The following COMMD1 variants were observed in gnomAD, a reference collection of about 807,000 sequenced individuals.
COMMD1 encodes the protein copper metabolism domain containing 1, also known as COMM domain-containing protein 1.
In COMMD1, 10 loss-of-function variants were observed where a neutral mutation model predicts 17.2. The ratio of observed to expected loss-of-function variants is 0.58; its 90% CI spans 0.36 to 0.99. The LOEUF is 0.99. Ranked by LOEUF, COMMD1 falls within the 50% of genes least tolerant of loss-of-function variation. The probability of loss-of-function intolerance (pLI) is 0.01; values close to 1 mark genes in which losing one functional copy is unlikely to be tolerated. For synonymous variants in COMMD1, 97 were observed against 91.6 expected, an observed-to-expected ratio of 1.06 and a Z score of -0.34; for missense variants, 270 against 231.8, an observed-to-expected ratio of 1.17 and a Z score of -1.07.
At chr2:62,081,064 T>C (rs1435956428) in intron 2 of COMMD1, among the ~76,000 whole-genome samples, 1 of 152,090 alleles carries the variant, frequency 6.6e-6, no homozygotes, top group Non-Finnish European at 1.5e-5. Context: ...ACTGGTGCTT[T>C]TGTTTTTTGA....
intron 2 of COMMD1, among the ~76,000 whole-genome samples, chr2:62,100,835 G>C (rs1399775948): frequency 2.0e-5 from 3 of 152,156 alleles, no homozygotes; most frequent in Non-Finnish European, 4.4e-5. Flanking sequence ...AAAAGATCTA[G>C]CTATGTTAAT....
intron 2 of COMMD1, among the ~76,000 whole-genome samples, chr2:62,102,519 T>C (rs1672214201): frequency 6.6e-6 from 1 of 152,210 alleles, no homozygotes; most frequent in Non-Finnish European, 1.5e-5. Flanking sequence ...GTTCATTGTG[T>C]ATTGCTGGGT....
rs139389678 is a variant in COMMD1 at position 61,967,128 on chromosome 2, C to T, written c.181-33573C>T. Reference sequence around the variant, plus strand: ...CCAGTTGATGAAGTCTAATATGAAACGAATATTTTAACTTTCAAATGCAGA... The same window carrying T: ...CCAGTTGATGAAGTCTAATATGAAATGAATATTTTAACTTTCAAATGCAGA... On this transcript the variant is annotated intron_variant, in intron 1 of 2. Transcript: ENST00000311832. Among the ~76,000 whole-genome samples the T allele has an allele frequency of 1.1e-4, 16 of 152,090 alleles. No homozygotes were observed. The East Asian group carries it at 2.3e-3, about 22-fold the overall frequency.
intron 2 of COMMD1, among the ~76,000 whole-genome samples, chr2:62,036,054 T>TCACACACACA (rs70946776): frequency 4.9e-5 from 7 of 143,396 alleles, no homozygotes; most frequent in South Asian, 2.3e-4. Context: ...ACCCTGTCTC[T>TCACACACACA]CACACACACA....
chr2:62,085,378 C>T (rs563326151), intron 2 of COMMD1, among the ~76,000 whole-genome samples: 5 of 152,104 alleles, frequency 3.3e-5, no homozygotes, highest in South Asian at 4.2e-4. Context: ...CCGCCACACC[C>T]GGCTAATTTT....
intron 2 of COMMD1, among the ~76,000 whole-genome samples, chr2:62,125,712 G>A (rs1262032453): frequency 6.6e-6 from 1 of 152,108 alleles, no homozygotes; most frequent in Non-Finnish European, 1.5e-5. Flanking sequence ...ACAGGTTATA[G>A]CAACAAGGCC....
chr2:61,953,348 A>G (rs577325113), intron 1 of COMMD1, among the ~76,000 whole-genome samples: 24 of 146,996 alleles, frequency 1.6e-4, no homozygotes, highest in African/African-American at 5.8e-4. Context: ...AGGATTATTT[A>G]TGTAAGTATT....
At chr2:61,943,038 C>T (rs773387558) in intron 1 of COMMD1, among the ~76,000 whole-genome samples, 13 of 152,060 alleles carry the variant, frequency 8.5e-5, no homozygotes, top group African/African-American at 2.2e-4. Context: ...TAAAAAGAAA[C>T]GGTTGGATGC....
chr2:62,110,092 G>T (rs144571479), intron 2 of COMMD1, among the ~76,000 whole-genome samples: 4 of 151,664 alleles, frequency 2.6e-5, no homozygotes, highest in Non-Finnish European at 5.9e-5. Flanking sequence ...CTTTTCTGGC[G>T]GGGGTGGGAG....
At chr2:62,106,721 T>C (rs971471397) in intron 2 of COMMD1, among the ~76,000 whole-genome samples, 3 of 152,124 alleles carry the variant, frequency 2.0e-5, no homozygotes, top group Non-Finnish European at 4.4e-5. Context: ...TCGCATAGAA[T>C]TTGAGTTAGG....
rs578253550 is a variant in COMMD1, at chr2:62,100,220, G to A, written c.463-35611G>A. 2.0e-5 allele frequency: 3 copies of A among 152,304 alleles called. No individual in the cohort carries two copies. In the South Asian group the frequency reaches 6.2e-4, roughly 32 times the overall value. The allele number at this position is 152,304 out of a possible 1,614,324, so 9.4% of individuals were successfully genotyped here. ...ACCAGAGGAGAAGCTAGAACTTGGT[G>A]AGGTTTCACTGGGCCCCTGCTAGTA... On this transcript the variant is annotated intron_variant, in intron 2 of 2. Coordinates refer to ENST00000311832, the MANE Select transcript of COMMD1 (RefSeq NM_152516.4).
Position 62,083,358 on chromosome 2 carries a change from C to A in COMMD1, c.463-52473C>A, listed in dbSNP as rs1671577908. On this transcript the variant is annotated intron_variant, in intron 2 of 2. Coordinates refer to ENST00000311832, the MANE Select transcript of COMMD1 (RefSeq NM_152516.4). The stretch of plus-strand genomic sequence containing the variant: ...AGCTATGCAACTTTGCCATTGTAGC[C>A]TGAAAGCAGCCACAGATTACGTGAA... Among the ~76,000 whole-genome samples the A allele has an allele frequency of 2.0e-5, 3 of 152,276 alleles. No homozygotes were observed. The South Asian group carries it at 6.2e-4, about 32-fold the overall frequency.
intron 1 of COMMD1, among the ~76,000 whole-genome samples, chr2:61,949,621 T>C (rs1417419209): frequency 6.6e-6 from 1 of 152,054 alleles, no homozygotes; most frequent in Non-Finnish European, 1.5e-5. Context: ...GCAATGAGAA[T>C]AGTGTTTGTC....
intron 2 of COMMD1, among the ~76,000 whole-genome samples, chr2:62,105,841 G>A (rs528397766): frequency 7.7e-4 from 117 of 152,112 alleles, no homozygotes; most frequent in Non-Finnish European, 1.4e-3. Context: ...AATAATAAAC[G>A]ACCAGATCTC....
At chr2:62,093,464 G>C (rs779203489) in intron 2 of COMMD1, among the ~76,000 whole-genome samples, 5 of 152,154 alleles carry the variant, frequency 3.3e-5, no homozygotes, top group African/African-American at 4.8e-5. Context: ...GCACCTATGG[G>C]AACTATGGGT....
chr2:62,020,025 G>A (rs938573213), intron 2 of COMMD1, among the ~76,000 whole-genome samples: 4 of 152,286 alleles, frequency 2.6e-5, no homozygotes, highest in Admixed American at 2.6e-4. Flanking sequence ...CTCATTTATA[G>A]CATCAGCTTA....
At chr2:61,960,358 AGGGTAGTACTGAC>A (rs747319676) in intron 1 of COMMD1, among the ~76,000 whole-genome samples, 3 of 152,120 alleles carry the variant, frequency 2.0e-5, no homozygotes, top group African/African-American at 4.8e-5. Context: ...TAGATTAGTA[AGGGTAGTACTGAC>A]GAGTTTCTGC....
chr2:62,039,903 T>G (rs1374776850), intron 2 of COMMD1, among the ~76,000 whole-genome samples: 1 of 152,202 alleles, frequency 6.6e-6, no homozygotes, highest in Admixed American at 6.5e-5. Context: ...AAGGCCCTCC[T>G]GGGAAAAATT....
intron 1 of COMMD1, among the ~76,000 whole-genome samples, chr2:61,889,597 T>C (rs2105149502): frequency 6.6e-6 from 1 of 152,216 alleles, no homozygotes; most frequent in East Asian, 1.9e-4. Flanking sequence ...TGACTGAGTC[T>C]GTTTTTGCCC....
Sources: allele counts gnomAD v4.1 joint callset (sites outside exome capture counted in the v4.1 genomes callset), GRCh38; gene constraint gnomAD v4.1.1; transcripts MANE v1.5; gene names NCBI Gene and HGNC (gene_info 2026-07-23, HGNC 2026-07-21).